CNTN4: variants seen among roughly 807,000 people sequenced by gnomAD.
CNTN4 encodes contactin 4, also known as contactin-4.
Under a neutral mutation model 122.5 loss-of-function variants are expected in CNTN4, and 77 were observed. The ratio of observed to expected loss-of-function variants is 0.63; its 90% CI spans 0.52 to 0.76. The LOEUF is 0.76. CNTN4 is among the 30% of genes least tolerant of loss of function. The probability of loss-of-function intolerance (pLI) is 0.00; values close to 1 mark genes in which losing one functional copy is unlikely to be tolerated. For missense variants in CNTN4, 1,256 were observed against 1,259.1 expected (o/e 1.00, Z 0.04); for synonymous variants, 512 against 447.0 (o/e 1.15, Z -1.83).
chr3:2,572,024 G>A (rs1032879797), intron 4 of CNTN4, among the ~76,000 whole-genome samples: 2 of 152,132 alleles, frequency 1.3e-5, no homozygotes. Flanking sequence ...AGTTTAGTAG[G>A]AACTAGAAAG....
chr3:2,705,862 T>TATATA (rs2086687645), intron 4 of CNTN4, among the ~76,000 whole-genome samples: 2 of 83,412 alleles, frequency 2.4e-5, no homozygotes, highest in South Asian at 8.4e-4. Flanking sequence ...TATATGTGTT[T>TATATA]ATATATAATA....
chr3:2,855,500 T>C (rs1360736765), intron 7 of CNTN4, among the ~76,000 whole-genome samples: 1 of 152,202 alleles, frequency 6.6e-6, no homozygotes, highest in Non-Finnish European at 1.5e-5. Context: ...TGTAAAGAAG[T>C]AGGAAAGTTG....
intron 3 of CNTN4, among the ~76,000 whole-genome samples, chr3:2,521,343 T>TCCCCCCCCCCCCCCCC (rs5846190): frequency 4.7e-5 from 6 of 128,310 alleles, no homozygotes; most frequent in African/African-American, 1.6e-4. Flanking sequence ...CCTCTACCCA[T>TCCCCCCCCCCCCCCCC]CCCCCCCACC....
At chr3:2,563,858 A>G (rs2079053246) in intron 3 of CNTN4, among the ~76,000 whole-genome samples, 1 of 152,242 alleles carries the variant, frequency 6.6e-6, no homozygotes, top group East Asian at 1.9e-4. Flanking sequence ...AATTTGTGGT[A>G]TATACTTAGA....
rs528094888 is a variant in CNTN4 at position 2,670,662 on chromosome 3, G to T, written c.56-65553G>T. ...TGATGTTAGCTGGTTAGTTTGCTCA[G>T]TAGTTGATGCAGTTTCTTCCTAGCC... On this transcript the variant is annotated intron_variant, in intron 4 of 24. Coordinates refer to ENST00000418658, the MANE Select transcript of CNTN4 (RefSeq NM_175607.3). Among the ~76,000 whole-genome samples the T allele has an allele frequency of 5.9e-5, 9 of 152,218 alleles. No individual in the cohort carries two copies. The East Asian group carries it at 1.4e-3, about 23-fold the overall frequency.
intron 3 of CNTN4, among the ~76,000 whole-genome samples, chr3:2,489,461 C>A (rs1300315134): frequency 6.6e-6 from 1 of 152,180 alleles, no homozygotes; most frequent in Non-Finnish European, 1.5e-5. Context: ...CTATATTTGT[C>A]TTCTTTGCCA....
intron 5 of CNTN4, among the ~76,000 whole-genome samples, chr3:2,737,407 T>G (rs2089191754): frequency 6.6e-6 from 1 of 152,194 alleles, no homozygotes. Flanking sequence ...ACAGGCATCA[T>G]AGATATCCTG....
chr3:2,902,132 G>T (rs928708205), intron 11 of CNTN4, among the ~76,000 whole-genome samples: 1 of 152,056 alleles, frequency 6.6e-6, no homozygotes, highest in Non-Finnish European at 1.5e-5. Flanking sequence ...ACAACCCTGC[G>T]GCAAACAGAA....
At chr3:2,419,358 T>G (rs1252912463) in intron 3 of CNTN4, among the ~76,000 whole-genome samples, 1 of 152,180 alleles carries the variant, frequency 6.6e-6, no homozygotes, top group Non-Finnish European at 1.5e-5. Flanking sequence ...ACTTGGAATC[T>G]TCTATCAAGA....
At chr3:2,547,425 C>G (rs2149337163) in intron 3 of CNTN4, among the ~76,000 whole-genome samples, 1 of 152,066 alleles carries the variant, frequency 6.6e-6, no homozygotes, top group Middle Eastern at 3.4e-3. Context: ...ACCACCATGC[C>G]CAGCTAATTT....
At chr3:2,789,928 T>C (rs1205434460) in intron 6 of CNTN4, among the ~76,000 whole-genome samples, 1 of 152,240 alleles carries the variant, frequency 6.6e-6, no homozygotes, top group East Asian at 1.9e-4. Flanking sequence ...TTATGGTGTT[T>C]AGCCATTTAG....
intron 6 of CNTN4, among the ~76,000 whole-genome samples, chr3:2,776,443 A>G (rs945160934): frequency 6.6e-6 from 1 of 152,118 alleles, no homozygotes; most frequent in Non-Finnish European, 1.5e-5. Context: ...TGAGCCAGGA[A>G]TAAGGAAATA....
intron 3 of CNTN4, among the ~76,000 whole-genome samples, chr3:2,456,976 A>G (rs942835148): frequency 6.6e-6 from 1 of 152,128 alleles, no homozygotes; most frequent in East Asian, 1.9e-4. Context: ...GGTGAATACT[A>G]TTATTATCTC....
At chr3:2,909,680 A>T (rs1235226044) in intron 12 of CNTN4, among the ~76,000 whole-genome samples, 1 of 152,192 alleles carries the variant, frequency 6.6e-6, no homozygotes, top group Non-Finnish European at 1.5e-5. Flanking sequence ...GCTTTAATTG[A>T]TCAGGTTTAA....
chr3:2,611,532 G>A lies in CNTN4; in HGVS notation c.55+39974G>A, dbSNP rs150839059. ...TACCTGCTTGGGAGAGCCGTTGTGTGAATTCACTTTGTAAGGTCCAAAAAT... is the reference window on the plus strand; with the variant it reads ...TACCTGCTTGGGAGAGCCGTTGTGTAAATTCACTTTGTAAGGTCCAAAAAT... On this transcript the variant is annotated intron_variant, in intron 4 of 24. Transcript: ENST00000418658. Among the ~76,000 whole-genome samples the A allele has an allele frequency of 6.2e-3, 939 of 152,174 alleles. 6 individuals are homozygous for A. Among genetic ancestry groups the A allele is most frequent in the Middle Eastern group, 0.01 (3 of 294 alleles).
At chr3:2,581,127 C>G (rs2079918331) in intron 4 of CNTN4, among the ~76,000 whole-genome samples, 1 of 152,172 alleles carries the variant, frequency 6.6e-6, no homozygotes, top group South Asian at 2.1e-4. Context: ...CAGGCCCAGA[C>G]TTACAGAATT....
Position 2,289,922 on chromosome 3 carries a change from CTCG to C in CNTN4, c.-144-49255_-144-49253del, listed in dbSNP as rs1336787213. Among the ~76,000 whole-genome samples the C allele has an allele frequency of 4.6e-5, 7 of 152,102 alleles. No homozygotes were observed. The East Asian group carries it at 1.3e-3, about 29-fold the overall frequency. ...GATGATTGAAAATTTCATACTACCT[CTCG>C]GAAACTTGGAGGCATAGTTTTCAGG... On this transcript the variant is annotated intron_variant, in intron 2 of 24. Transcript: ENST00000418658.
At chr3:2,597,478 C>T (rs1448126683) in intron 4 of CNTN4, among the ~76,000 whole-genome samples, 3 of 152,126 alleles carry the variant, frequency 2.0e-5, no homozygotes, top group Admixed American at 1.3e-4. Flanking sequence ...AGTATTGTGT[C>T]TTGACATAAG....
At chr3:2,777,391 G>A (rs1360708933) in intron 6 of CNTN4, among the ~76,000 whole-genome samples, 1 of 152,178 alleles carries the variant, frequency 6.6e-6, no homozygotes, top group Non-Finnish European at 1.5e-5. Context: ...ATACTTCTAA[G>A]AGTGTGTTTG....
Sources: allele counts gnomAD v4.1 joint callset (sites outside exome capture counted in the v4.1 genomes callset), GRCh38; gene constraint gnomAD v4.1.1; transcripts MANE v1.5; gene names NCBI Gene and HGNC (gene_info 2026-07-23, HGNC 2026-07-21).